The following RHOBTB3 variants were observed in gnomAD, a reference collection of about 807,000 sequenced individuals.
The protein encoded by RHOBTB3 is rho-related BTB domain-containing protein 3.
Under a neutral mutation model 67.2 loss-of-function variants are expected in RHOBTB3, and 47 were observed. The ratio of observed to expected loss-of-function variants is 0.70; its 90% CI spans 0.55 to 0.89. The LOEUF is 0.89. RHOBTB3 is among the 40% of genes least tolerant of loss of function. The pLI is 0.00. For synonymous variants in RHOBTB3, 273 were observed against 274.2 expected (o/e 1.00, Z 0.04); for missense variants, 631 against 750.0 (o/e 0.84, Z 1.85).
Position 95,786,086 on chromosome 5 carries a change from G to T in RHOBTB3, c.1623+2123G>T, listed in dbSNP as rs114477719. Among the ~76,000 whole-genome samples the T allele has an allele frequency of 6.9e-3, 1,044 of 152,222 alleles. 13 individuals are homozygous for T. The highest frequency in any genetic ancestry group is 0.024 in the African/African-American group (1,006 of 41,518). ...AAGACTTTTTATTTTCTAAGATTAAGCCTAAATTTACCAGTTTTCCTGTAT... is the reference window on the plus strand; with the variant it reads ...AAGACTTTTTATTTTCTAAGATTAATCCTAAATTTACCAGTTTTCCTGTAT... On this transcript the variant is annotated intron_variant, in intron 10 of 11. Transcript: ENST00000379982.
At chr5:95,781,310 T>C (rs1399551202) in intron 9 of RHOBTB3, 1 of 152,208 alleles carries the variant, frequency 6.6e-6, no homozygotes, top group Non-Finnish European at 1.5e-5. Flanking sequence ...GGCACCCTAA[T>C]AAACATAAAA....
intron 7 of RHOBTB3, among the ~76,000 whole-genome samples, chr5:95,764,851 C>T (rs146542780): frequency 2.4e-4 from 36 of 150,982 alleles, no homozygotes; most frequent in African/African-American, 7.5e-4. Flanking sequence ...AACAAAGTAA[C>T]GTGGAATTAA....
At chr5:95,783,604 G>T (rs1393631527) in intron 9 of RHOBTB3, 193 bp from the exon 10 acceptor site, 17 of 244,368 alleles carry the variant, frequency 7.0e-5, no homozygotes, top group Admixed American at 2.3e-4. Context: ...AGAAAGGAAA[G>T]AAAAAAAAGA....
chr5:95,728,094 C>A (rs1436707419), upstream of RHOBTB3, among the ~76,000 whole-genome samples: 1 of 152,190 alleles, frequency 6.6e-6, no homozygotes, highest in African/African-American at 2.4e-5. Flanking sequence ...AATCATGTGG[C>A]CCTACCTATA....
intron 2 of RHOBTB3, among the ~76,000 whole-genome samples, chr5:95,735,553 C>T (rs978365366): frequency 6.6e-6 from 1 of 152,200 alleles, no homozygotes; most frequent in Admixed American, 6.5e-5. Flanking sequence ...CTGTTTTAGA[C>T]TCATATTTCA....
chr5:95,761,863 G>T (rs1457464979), intron 6 of RHOBTB3, among the ~76,000 whole-genome samples: 1 of 152,192 alleles, frequency 6.6e-6, no homozygotes, highest in Non-Finnish European at 1.5e-5. Flanking sequence ...TTTAATGTTT[G>T]TGTGCACATG....
chr5:95,730,729 G>C (rs1561435966), upstream of RHOBTB3: 2 of 310,144 alleles, frequency 6.4e-6, no homozygotes, highest in Non-Finnish European at 1.3e-5. Context: ...GCTAAATATA[G>C]CTTGAAATAG....
At chr5:95,792,228 C>T (rs1746417433) in intron 11 of RHOBTB3, among the ~76,000 whole-genome samples, 1 of 151,678 alleles carries the variant, frequency 6.6e-6, no homozygotes, top group Non-Finnish European at 1.5e-5. Flanking sequence ...AAGTATTATA[C>T]CAAAAAAACT....
At position 95,752,278 on chromosome 5, in the gene RHOBTB3, A is replaced by G. The variant is rs1195648752; in HGVS notation, c.610A>G (p.Ser204Gly). ...GATTCAAGCCTTAAATCAGAAGACAAGTGAAAAAATGAAGAAAAGAAAAAT... is the reference window on the plus strand; with the variant it reads ...GATTCAAGCCTTAAATCAGAAGACAGGTGAAAAAATGAAGAAAAGAAAAAT... ...FMIQALNQKTSEKMKKRKMSN... is the reference protein window; with the variant it reads ...FMIQALNQKTGEKMKKRKMSN... Residue 204 changes from serine (S) to glycine (G), a missense_variant, in exon 5 of 12, where the codon AGT (serine) becomes GGT (glycine). Ser to Gly is a moderately conservative substitution (Grantham distance 56). Coordinates refer to ENST00000379982, the MANE Select transcript of RHOBTB3 (RefSeq NM_014899.4). 6.2e-7 allele frequency: 1 copy of G among 1,604,422 alleles called. No individual in the cohort carries two copies.
At position 95,731,877 on chromosome 5, in the gene RHOBTB3, G is replaced by T. The variant is rs770285715; in HGVS notation, c.21G>T (p.Ala7=). The T allele has an allele frequency of 1.2e-5, 20 of 1,612,932 alleles. No homozygotes were observed. Among genetic ancestry groups the T allele is most frequent in the Non-Finnish European group, 1.6e-5 (19 of 1,179,220 alleles). The change falls in exon 2 of 12, where the codon GCG becomes GCT. Residue 7 remains alanine, a synonymous_variant. Coordinates refer to ENST00000379982, the MANE Select transcript of RHOBTB3 (RefSeq NM_014899.4). Reference sequence around the variant, plus strand: ...CGTGCAGGTCCATCCACATCGTGGCGCTGGGGAACGAGGGGGACACATTCC... The same window carrying T: ...CGTGCAGGTCCATCCACATCGTGGCTCTGGGGAACGAGGGGGACACATTCC... MSIHIV[A]LGNEGDTFHQ...
chr5:95,789,907 A>C (rs1361637533), intron 11 of RHOBTB3, among the ~76,000 whole-genome samples: 1 of 152,240 alleles, frequency 6.6e-6, no homozygotes. Context: ...ATCCCAGCCA[A>C]CTTGGGAGGC....
At chr5:95,731,099 T>C (rs1456985942), upstream of RHOBTB3, 1 of 1,109,820 alleles carries the variant, frequency 9.0e-7, no homozygotes, top group Non-Finnish European at 1.1e-6. Flanking sequence ...GGCTGGGAGC[T>C]CTCGGGCTGG....
intron 1 of RHOBTB3, among the ~76,000 whole-genome samples, chr5:95,719,399 T>C (rs936617462): frequency 6.6e-6 from 1 of 152,124 alleles, no homozygotes; most frequent in African/African-American, 2.4e-5. Context: ...TGGGTAAACC[T>C]AGATGGGTAA....
chr5:95,769,573 G>A (rs998180969), intron 8 of RHOBTB3: 2 of 172,044 alleles, frequency 1.2e-5, no homozygotes, highest in African/African-American at 2.4e-5. Context: ...CAGTGAAAAG[G>A]GTTGTCATCA....
At chr5:95,763,915 A>G (rs1745464254) in intron 7 of RHOBTB3, among the ~76,000 whole-genome samples, 1 of 151,552 alleles carries the variant, frequency 6.6e-6, no homozygotes. Flanking sequence ...CTCAAGTGAT[A>G]TCTCCCACCT....
At chr5:95,784,192 A>T (rs1043248809) in intron 10 of RHOBTB3, among the ~76,000 whole-genome samples, 1 of 152,124 alleles carries the variant, frequency 6.6e-6, no homozygotes, top group Non-Finnish European at 1.5e-5. Context: ...CAGATACGGA[A>T]TTTTTTTAAC....
At chr5:95,731,086 G>C, upstream of RHOBTB3, 1 of 1,098,120 alleles carries the variant, frequency 9.1e-7, no homozygotes, top group Non-Finnish European at 1.1e-6. Flanking sequence ...CAGGCGGATT[G>C]GCGGCTGGGA....
chr5:95,789,973 C>T (rs558993950), intron 11 of RHOBTB3, among the ~76,000 whole-genome samples: 23 of 152,262 alleles, frequency 1.5e-4, no homozygotes, highest in African/African-American at 4.1e-4. Flanking sequence ...AGCAACATAA[C>T]GAGACTTCTG....
chr5:95,784,431 G>A lies in RHOBTB3; in HGVS notation c.1623+468G>A, dbSNP rs1746158080. Among the ~76,000 whole-genome samples the A allele has an allele frequency of 3.3e-5, 5 of 152,194 alleles. No homozygotes were observed. In the South Asian group the frequency reaches 1.0e-3, roughly 32 times the overall value. On this transcript the variant is annotated intron_variant, in intron 10 of 11. Transcript: ENST00000379982. Reference sequence around the variant, plus strand: ...ATGAACATGTTTTGAAGTTTCAGTTGTATGTAGGAGATATTGGTGTGCCTC... The same window carrying A: ...ATGAACATGTTTTGAAGTTTCAGTTATATGTAGGAGATATTGGTGTGCCTC...
Sources: gnomAD v4.1 joint callset for allele counts (sites outside exome capture counted in the v4.1 genomes callset) on GRCh38, gnomAD v4.1.1 for gene constraint, MANE v1.5 for transcripts, NCBI Gene and HGNC (gene_info 2026-07-23, HGNC 2026-07-21) for gene names.